The following STAMBPL1 variants were observed in gnomAD, a reference collection of about 807,000 sequenced individuals.
STAMBPL1 encodes STAM binding protein like 1.
A neutral mutation model predicts 52.9 loss-of-function variants in STAMBPL1; 44 were observed. The ratio of observed to expected loss-of-function variants is 0.83; its 90% confidence interval spans 0.65 to 1.07. The LOEUF is 1.07. STAMBPL1 is among the 50% of genes least tolerant of loss of function. The pLI, the probability that STAMBPL1 is intolerant of heterozygous loss-of-function variation, is 0.00. For synonymous variants in STAMBPL1, 164 were observed against 177.3 expected (o/e 0.92, Z 0.60); for missense variants, 511 against 520.8 (o/e 0.98, Z 0.18).
chr10:88,904,810 G>T (rs1197395223), intron 2 of STAMBPL1, among the ~76,000 whole-genome samples: 1 of 151,792 alleles, frequency 6.6e-6, no homozygotes, highest in Non-Finnish European at 1.5e-5. Context: ...ATTTAACAGT[G>T]TACTTACTAT....
chr10:88,920,303 G>A (rs1017523828), intron 8 of STAMBPL1, among the ~76,000 whole-genome samples: 4 of 152,056 alleles, frequency 2.6e-5, no homozygotes, highest in South Asian at 2.1e-4. Context: ...ATTTCTATGC[G>A]CTAAGCACTG....
At chr10:88,899,890 C>A (rs1202400427) in intron 1 of STAMBPL1, among the ~76,000 whole-genome samples, 1 of 152,222 alleles carries the variant, frequency 6.6e-6, no homozygotes, top group African/African-American at 2.4e-5. Flanking sequence ...TCACATTCCC[C>A]ATAAGCCTTT....
chr10:88,923,203 A>C lies in STAMBPL1; in HGVS notation c.1290A>C (p.Ile430=). 6.2e-7 allele frequency: 1 copy of C among 1,606,546 alleles called. No individual in the cohort carries two copies. The highest frequency in any genetic ancestry group is 8.5e-7 in the Non-Finnish European group (1 of 1,178,314). ...ATGTGTTGGTAAAAGACATAAAAATAATTGTGTTGGATCTGAGGTGATATG... is the reference window on the plus strand; with the variant it reads ...ATGTGTTGGTAAAAGACATAAAAATCATTGTGTTGGATCTGAGGTGATATG... ...CKHVLVKDIK[I]IVLDLR is the part of the protein sequence containing the mutation. Residue 430 remains isoleucine (I), a synonymous_variant, in exon 11 of 11, where the codon ATA becomes ATC. Coordinates refer to ENST00000371926, the MANE Select transcript of STAMBPL1 (RefSeq NM_020799.4).
chr10:88,908,852 C>T (rs1327416865), intron 4 of STAMBPL1, 75 bp downstream of exon 4: 2 of 1,175,284 alleles, frequency 1.7e-6, no homozygotes, highest in Admixed American at 5.4e-5. Flanking sequence ...CCTTCCCCTT[C>T]CTCCCCTTTC....
rs1845145478 is a variant in STAMBPL1 at position 88,908,857 on chromosome 10, C to G, written c.324+80C>G. On this transcript the variant is annotated intron_variant, in intron 4 of 10. Coordinates refer to ENST00000371926, the MANE Select transcript of STAMBPL1 (RefSeq NM_020799.4). ...ATTGATTCACCCTTCCCCTTCCTCC[C>G]CTTTCTCTTTCTCTTGAGAGTTTGA... 5 of 1,157,294 alleles carry G rather than the reference C, an allele frequency of 4.3e-6. No homozygotes were observed. In the South Asian group the frequency reaches 8.4e-5, roughly 19 times the overall value. 71.7% of individuals were successfully genotyped at this position (1,157,294 alleles called of 1,614,324 possible). A position where few individuals can be genotyped will look rare whatever the true frequency, so the allele number is the denominator to read the frequency against.
Position 88,909,938 on chromosome 10 carries a change from C to A in STAMBPL1, c.325-978C>A, listed in dbSNP as rs181408793. ...GTCTACAGTCACTTACCTGAAGTAT[C>A]ATTTATTATCATGTCTTTGTGTAAC... On this transcript the variant is annotated intron_variant, in intron 4 of 10. Transcript: ENST00000371926. Among the ~76,000 whole-genome samples, 400 of 152,162 alleles carry A rather than the reference C, an allele frequency of 2.6e-3. 3 individuals are homozygous for A. Among genetic ancestry groups the A allele is most frequent in the African/African-American group, 9.5e-3 (393 of 41,504 alleles).
intron 1 of STAMBPL1, among the ~76,000 whole-genome samples, chr10:88,884,501 G>A (rs184496714): frequency 6.6e-6 from 1 of 152,292 alleles, no homozygotes; most frequent in Non-Finnish European, 1.5e-5. Context: ...CAATAATCCA[G>A]TGTCTGATGA....
chr10:88,923,481 C>T lies in STAMBPL1; in HGVS notation c.*257C>T. On this transcript the variant is annotated 3_prime_UTR_variant, in exon 11 of 11. Coordinates refer to ENST00000371926, the MANE Select transcript of STAMBPL1 (RefSeq NM_020799.4). ...TATGGCCAGATAATAAATTGTGCTG[C>T]AAACAACATGTCTTGTATTTATAGA... is the stretch of plus-strand genomic sequence containing the variant. 1 of 1,191,890 alleles carries T rather than the reference C, an allele frequency of 8.4e-7. No homozygotes were observed. The highest frequency in any genetic ancestry group is 3.4e-5 in the South Asian group (1 of 29,470). 73.8% of individuals were successfully genotyped at this position (1,191,890 alleles called of 1,614,324 possible).
In STAMBPL1 at chr10:88,913,246, TAGCCCG is replaced by T. The variant is rs755214279; in HGVS notation, c.569_574del (p.Ala190_Arg191del). On this transcript the variant is annotated inframe_deletion, in exon 6 of 11. Transcript: ENST00000371926. The stretch of plus-strand genomic sequence containing the variant: ...GAAGATCAACTCAAGAAGCAAGAGT[TAGCCCG>T]AGGTCAAATGCGAAGTCAGCAAACC... The T allele has an allele frequency of 5.0e-6, 8 of 1,613,784 alleles. No individual in the cohort carries two copies. The highest frequency in any genetic ancestry group is 6.8e-6 in the Non-Finnish European group (8 of 1,179,856).
chr10:88,892,359 T>C (rs987774033), intron 1 of STAMBPL1, among the ~76,000 whole-genome samples: 3 of 151,128 alleles, frequency 2.0e-5, no homozygotes, highest in Non-Finnish European at 2.9e-5. Context: ...TGTGCGTGTG[T>C]GTGTGTGTGT....
At position 88,922,455 on chromosome 10, in the gene STAMBPL1, T is replaced by C; in HGVS notation, c.1254+19T>C. On this transcript the variant is annotated intron_variant, in intron 10 of 10. Transcript: ENST00000371926. ...GTTCAGTGTGAGTACATCATATTAG[T>C]TATTTTTCCAGGTATTTCTTGTTCA... 1 of 1,610,528 alleles carries C rather than the reference T, an allele frequency of 6.2e-7. No individual in the cohort carries two copies. Among genetic ancestry groups the C allele is most frequent in the Non-Finnish European group, 8.5e-7 (1 of 1,177,584 alleles).
intron 1 of STAMBPL1, among the ~76,000 whole-genome samples, chr10:88,898,742 C>CTGCTCACACTTAGCATTGTTTT (rs1844871227): frequency 6.6e-6 from 1 of 152,134 alleles, no homozygotes; most frequent in Non-Finnish European, 1.5e-5. Context: ...TTCATTGTTT[C>CTGCTCACACTTAGCATTGTTTT]TGCTCACACT....
In STAMBPL1 at chr10:88,880,609, C is replaced by A. The variant is rs1844375905; in HGVS notation, c.-83C>A. 2.6e-5 allele frequency: 4 copies of A among 152,230 alleles called. No individual in the cohort carries two copies. The highest frequency in any genetic ancestry group is 4.8e-5 in the African/African-American group (2 of 41,472). The allele number at this position is 152,230 out of a possible 1,614,324, so 9.4% of individuals were successfully genotyped here. ...GGGGCAGCCGTCGCAGTCGCCGTCC[C>A]ACACGGGCTGCGGACACCAAGGGTT... On this transcript the variant is annotated 5_prime_UTR_variant, in exon 1 of 11. Coordinates refer to ENST00000371926, the MANE Select transcript of STAMBPL1 (RefSeq NM_020799.4).
In STAMBPL1 at chr10:88,913,328, A is replaced by C. The variant is rs765654366; in HGVS notation, c.648A>C (p.Thr216=). 1 of 1,613,892 alleles carries C rather than the reference A, an allele frequency of 6.2e-7. No individual in the cohort carries two copies. Among genetic ancestry groups the C allele is most frequent in the South Asian group, 1.1e-5 (1 of 91,084 alleles). Residue 216 remains threonine (T), a synonymous_variant, in exon 6 of 11, where the codon ACA becomes ACC. Coordinates refer to ENST00000371926, the MANE Select transcript of STAMBPL1 (RefSeq NM_020799.4). ...GGAGCGCTTTGTCCTGCTTTTCCAC[A>C]CACCAGAACAATTCCTTGCTGAATG... The part of the protein sequence containing the change: ...IDGSALSCFS[T]HQNNSLLNVF...
At chr10:88,909,037 ATC>A (rs1451666742) in intron 4 of STAMBPL1, among the ~76,000 whole-genome samples, 1 of 152,140 alleles carries the variant, frequency 6.6e-6, no homozygotes, top group Non-Finnish European at 1.5e-5. Flanking sequence ...TTTTACAATA[ATC>A]TCTCCCAGAG....
chr10:88,922,578 T>A, intron 10 of STAMBPL1, 142 bp downstream of exon 10: 2 of 667,376 alleles, frequency 3.0e-6, no homozygotes, highest in Non-Finnish European at 5.0e-6. Context: ...AAAATTAATC[T>A]ATCTGTATAC....
chr10:88,908,208 A>G (rs1389421838), intron 3 of STAMBPL1, among the ~76,000 whole-genome samples: 2 of 152,220 alleles, frequency 1.3e-5, no homozygotes, highest in Non-Finnish European at 2.9e-5. Flanking sequence ...CTCCTAATTC[A>G]CTAGGGATTC....
intron 10 of STAMBPL1, 41 bp downstream of exon 10, chr10:88,922,477 T>G (rs1372295142): frequency 4.3e-5 from 68 of 1,567,998 alleles, no homozygotes; most frequent in Non-Finnish European, 5.9e-5. Context: ...GTATTTCTTG[T>G]TCACTGCCCC....
intron 1 of STAMBPL1, chr10:88,882,036 A>G (rs529889098): frequency 6.6e-6 from 1 of 152,262 alleles, no homozygotes; most frequent in South Asian, 2.1e-4. Flanking sequence ...GCAAATTGCC[A>G]CTAAGAATCT....
Sources: gnomAD v4.1 joint callset for allele counts (sites outside exome capture counted in the v4.1 genomes callset) on GRCh38, gnomAD v4.1.1 for gene constraint, MANE v1.5 for transcripts, NCBI Gene and HGNC (gene_info 2026-07-23, HGNC 2026-07-21) for gene names.